The following FEZ1 variants were observed in gnomAD, a reference collection of about 807,000 sequenced individuals.
The protein encoded by FEZ1 is fasciculation and elongation protein zeta-1.
FEZ1 carries 20 observed loss-of-function variants against 49.3 expected under a neutral mutation model. That is an observed-to-expected ratio of 0.41 (90% CI 0.29 to 0.59). The LOEUF (loss-of-function observed/expected upper bound fraction) is 0.59, where lower values mean the gene tolerates loss of function less well. Among genes scored for constraint, FEZ1 ranks in the 20% least tolerant of loss-of-function variants. FEZ1 has a pLI of 0.36. For missense variants in FEZ1, 413 were observed against 476.0 expected (o/e 0.87, Z 1.23); for synonymous variants, 170 against 180.9 (o/e 0.94, Z 0.48).
intron 9 of FEZ1, among the ~76,000 whole-genome samples, chr11:125,446,844 AT>A (rs11290873): frequency 0.14 from 21,131 of 149,400 alleles, 1,594 homozygotes; most frequent in East Asian, 0.28. Context: ...CACCTGGCTG[AT>A]TTTTTTTTTA....
intron 1 of FEZ1, among the ~76,000 whole-genome samples, chr11:125,490,281 G>C (rs1245862249): frequency 6.6e-6 from 1 of 152,192 alleles, no homozygotes; most frequent in African/African-American, 2.4e-5. Context: ...AGCAAAATGT[G>C]ACATGATCTA....
intron 5 of FEZ1, chr11:125,460,275 T>G (rs547267760): frequency 2.5e-4 from 109 of 437,606 alleles, no homozygotes; most frequent in Non-Finnish European, 4.0e-4. Context: ...GTTCTTTGGT[T>G]AGTTTTAACA....
chr11:125,463,664 C>T lies in FEZ1; in HGVS notation c.412-94G>A. ...AGAATGGATGATACTGACTGGGAGGCCACTCCAGCCAGCTGCTGTCTAAAC... is the reference window on the plus strand; with the variant it reads ...AGAATGGATGATACTGACTGGGAGGTCACTCCAGCCAGCTGCTGTCTAAAC... On this transcript the variant is annotated intron_variant, in intron 3 of 9. Transcript: ENST00000278919. 6.7e-6 allele frequency: 5 copies of T among 750,692 alleles called. No individual in the cohort carries two copies. In the South Asian group the frequency reaches 7.5e-5, roughly 11 times the overall value. The allele number at this position is 750,692 out of a possible 1,614,324, so 46.5% of individuals were successfully genotyped here.
chr11:125,468,328 C>A (rs1957152863), intron 3 of FEZ1, among the ~76,000 whole-genome samples: 1 of 152,062 alleles, frequency 6.6e-6, no homozygotes, highest in Non-Finnish European at 1.5e-5. Flanking sequence ...TAGGTGCACA[C>A]CACCACTCAT....
chr11:125,495,142 G>T lies in FEZ1; in HGVS notation c.-46+979C>A, dbSNP rs2135798885. On this transcript the variant is annotated intron_variant, in intron 1 of 9. Coordinates refer to ENST00000278919, the MANE Select transcript of FEZ1 (RefSeq NM_005103.5). This position sits in a 1 kb window ranked among gnomAD's most constrained non-coding sequence, Gnocchi z 4.2. ...TTGCTCCCCTCCCCCTCCTCCCGCT[G>T]CTCCATTCACCTCCATCTCAGATCC... The T allele has an allele frequency of 2.9e-6, 1 of 344,108 alleles. No individual in the cohort carries two copies. Among genetic ancestry groups the T allele is most frequent in the East Asian group, 8.3e-5 (1 of 12,054 alleles). The allele number at this position is 344,108 out of a possible 1,614,324, so 21.3% of individuals were successfully genotyped here. A position where few individuals can be genotyped will look rare whatever the true frequency, so the allele number is the denominator to read the frequency against.
intron 3 of FEZ1, among the ~76,000 whole-genome samples, chr11:125,467,315 C>T (rs1957140054): frequency 1.3e-5 from 2 of 152,120 alleles, no homozygotes; most frequent in African/African-American, 4.8e-5. Flanking sequence ...AGTGGGATTA[C>T]AGGTGTGAGC....
intron 8 of FEZ1, among the ~76,000 whole-genome samples, chr11:125,449,752 A>C (rs923611479): frequency 1.3e-5 from 2 of 152,190 alleles, no homozygotes; most frequent in African/African-American, 4.8e-5. Flanking sequence ...AGGCAGCTGC[A>C]ACAGTGGGAT....
intron 3 of FEZ1, among the ~76,000 whole-genome samples, chr11:125,474,524 G>C (rs1957211968): frequency 6.6e-6 from 1 of 152,058 alleles, no homozygotes; most frequent in Admixed American, 6.6e-5. Context: ...AAAATTAAAA[G>C]GCAACCTATA....
chr11:125,464,050 G>C (rs1957101609), intron 3 of FEZ1, among the ~76,000 whole-genome samples: 1 of 152,206 alleles, frequency 6.6e-6, no homozygotes, highest in Admixed American at 6.5e-5. Flanking sequence ...ATGACTTTCA[G>C]AATTTGATGA....
rs1054897392 is a variant in FEZ1, at chr11:125,495,179, C to T, written c.-46+942G>A. The T allele has an allele frequency of 2.8e-6, 1 of 358,074 alleles. No homozygotes were observed. The highest frequency in any genetic ancestry group is 5.8e-6 in the Non-Finnish European group (1 of 171,940). The allele number at this position is 358,074 out of a possible 1,614,324, so 22.2% of individuals were successfully genotyped here. A position where few individuals can be genotyped will look rare whatever the true frequency, so the allele number is the denominator to read the frequency against. On this transcript the variant is annotated intron_variant, in intron 1 of 9. Transcript: ENST00000278919. The surrounding 1 kb of genome is among the most constrained non-coding windows in gnomAD (Gnocchi z 4.2). ...TCCATCTCAGATCCCCCTCCTCCCC[C>T]CAGTCCGGTGGGGTAAAGAAAGCCT...
intron 8 of FEZ1, chr11:125,451,486 C>G (rs1956954984): frequency 6.6e-6 from 1 of 152,278 alleles, no homozygotes; most frequent in Admixed American, 6.5e-5. Context: ...CCTTGGGTAT[C>G]CAGTAGCCCC....
rs192685518 is a variant in FEZ1, at chr11:125,483,708, C to T, written c.312-2075G>A. On this transcript the variant is annotated intron_variant, in intron 2 of 9. Transcript: ENST00000278919. ...TACAGGCACTGACCTTCAGATTTGT[C>T]CCTGCAGGAAGTGCCCACAGAAATG... 2.6e-5 allele frequency among the ~76,000 whole-genome samples: 4 copies of T among 152,328 alleles called. No homozygotes were observed. The East Asian group carries it at 7.7e-4, about 29-fold the overall frequency.
chr11:125,493,359 G>GAAA (rs1565306649), intron 1 of FEZ1, among the ~76,000 whole-genome samples: 3 of 58,126 alleles, frequency 5.2e-5, no homozygotes, highest in African/African-American at 2.3e-4. Context: ...GAAAGAAAGA[G>GAAA]AGAAAAGAAA....
chr11:125,479,984 T>C (rs73628426), intron 3 of FEZ1, among the ~76,000 whole-genome samples: 1 of 152,304 alleles, frequency 6.6e-6, no homozygotes, highest in African/African-American at 2.4e-5. Flanking sequence ...ATCATCTTTA[T>C]TTTTCAGAAG....
At chr11:125,476,923 G>T (rs753029795) in intron 3 of FEZ1, among the ~76,000 whole-genome samples, 2 of 151,996 alleles carry the variant, frequency 1.3e-5, no homozygotes, top group Non-Finnish European at 2.9e-5. Context: ...ATGGTAACCA[G>T]AAGACAGGAG....
chr11:125,481,709 G>T (rs561194847), intron 2 of FEZ1, 76 bp from the exon 3 acceptor site: 47 of 1,002,706 alleles, frequency 4.7e-5, no homozygotes, highest in Non-Finnish European at 7.5e-5. Context: ...AGCTGGGCCG[G>T]GAGAGGAGAG....
At chr11:125,479,204 A>G (rs1313349169) in intron 3 of FEZ1, among the ~76,000 whole-genome samples, 1 of 152,194 alleles carries the variant, frequency 6.6e-6, no homozygotes, top group African/African-American at 2.4e-5. Flanking sequence ...TAATTACTAG[A>G]AAAATGGAGA....
chr11:125,475,343 T>A (rs28809300), intron 3 of FEZ1, among the ~76,000 whole-genome samples: 2,208 of 151,784 alleles, frequency 0.015, 53 homozygotes, highest in African/African-American at 0.049. Flanking sequence ...AGATGCTCAA[T>A]ATTCTATGTC....
intron 3 of FEZ1, among the ~76,000 whole-genome samples, chr11:125,477,196 C>T (rs779441396): frequency 1.3e-5 from 2 of 152,036 alleles, no homozygotes; most frequent in Non-Finnish European, 2.9e-5. Context: ...ACTGTACCTT[C>T]AAGATTAGCC....
Sources: allele counts gnomAD v4.1 joint callset (sites outside exome capture counted in the v4.1 genomes callset), GRCh38; gene constraint gnomAD v4.1.1; non-coding constraint Gnocchi (gnomAD v3.1); transcripts MANE v1.5; gene names NCBI Gene and HGNC (gene_info 2026-07-23, HGNC 2026-07-21).